The following EXTL3 variants were observed in gnomAD, a reference collection of about 807,000 sequenced individuals.
The protein encoded by EXTL3 is exostosin-like 3.
A neutral mutation model predicts 69.3 loss-of-function variants in EXTL3; 27 were observed. The ratio of observed to expected loss-of-function variants is 0.39; its 90% CI spans 0.29 to 0.54. The LOEUF (loss-of-function observed/expected upper bound fraction) is 0.54. EXTL3 is among the 20% of genes least tolerant of loss of function. EXTL3 has a pLI of 0.69. For missense variants in EXTL3, 1,003 were observed against 1,231.8 expected (o/e 0.81, Z 2.78); for synonymous variants, 511 against 499.4 (o/e 1.02, Z -0.31).
At chr8:28,684,130 G>A (rs1185370722) in intron 1 of EXTL3, among the ~76,000 whole-genome samples, 3 of 152,106 alleles carry the variant, frequency 2.0e-5, no homozygotes, top group African/African-American at 7.2e-5. Context: ...TGGTGGAATA[G>A]TCCTCCCTTG....
intron 3 of EXTL3, 114 bp from the exon 4 acceptor site, chr8:28,731,109 C>A: frequency 1.5e-6 from 2 of 1,347,070 alleles, no homozygotes; most frequent in Non-Finnish European, 2.1e-6. Context: ...GCGCGGAGAT[C>A]AGGCAAAATT....
In EXTL3 at chr8:28,750,261, G is replaced by T. The variant is rs979680054; in HGVS notation, c.2551-396G>T. On this transcript the variant is annotated intron_variant, in intron 6 of 6. Transcript: ENST00000220562. This position sits in a 1 kb window ranked among gnomAD's most constrained non-coding sequence, Gnocchi z 5.2. ...CCCCTCTTTGACTAGCCCCTCTTTG[G>T]GTAGTCTTCAATACCCAAAGCCCCT... 1.3e-5 allele frequency among the ~76,000 whole-genome samples: 2 copies of T among 151,920 alleles called. No homozygotes were observed. Among genetic ancestry groups the T allele is most frequent in the East Asian group, 3.9e-4 (2 of 5,186 alleles).
intron 6 of EXTL3, chr8:28,744,009 T>A (rs1383088827): frequency 1.3e-5 from 2 of 152,452 alleles, no homozygotes; most frequent in African/African-American, 4.8e-5. Context: ...ACACATACAC[T>A]CAGTGCACAG....
rs200367738 is a variant in EXTL3 at position 28,717,578 on chromosome 8, G to T, written c.1519G>T (p.Ala507Ser). The change falls in exon 3 of 7, where the codon GCT becomes TCT. Residue 507 changes from alanine to serine, a missense_variant. Ala to Ser is a moderately conservative substitution (Grantham distance 99). Coordinates refer to ENST00000220562, the MANE Select transcript of EXTL3 (RefSeq NM_001440.4). This position sits in a 1 kb window ranked among gnomAD's most constrained non-coding sequence, Gnocchi z 8.3. ...LRSLSDSDLL[A>S]MRRQGRFLWE... The stretch of plus-strand genomic sequence containing the variant: ...AAGCCTCTCCGATAGTGACCTCCTG[G>T]CTATGAGGCGGCAAGGCCGCTTTCT... The T allele has an allele frequency of 2.3e-4, 367 of 1,614,230 alleles. No homozygotes were observed. The highest frequency in any genetic ancestry group is 2.6e-4 in the Non-Finnish European group (311 of 1,180,040).
Position 28,737,587 on chromosome 8 carries a change from A to G in EXTL3, c.2345A>G (p.His782Arg), listed in dbSNP as rs1801679525. Residue 782 changes from histidine (H) to arginine (R), a missense_variant, in exon 5 of 7, where the codon CAT (histidine) becomes CGT (arginine). Physicochemically the swap from His to Arg is conservative, Grantham distance 29 (BLOSUM62 0). Coordinates refer to ENST00000220562, the MANE Select transcript of EXTL3 (RefSeq NM_001440.4). ...CGTTACCACGCATGGGACATCCCCC[A>G]TCAGTCCTGGCTCTACAACTCCAAC... is the stretch of plus-strand genomic sequence containing the variant. ...PGRYHAWDIP[H>R]QSWLYNSNYS... The G allele has an allele frequency of 1.9e-6, 3 of 1,614,090 alleles. No individual in the cohort carries two copies. The highest frequency in any genetic ancestry group is 2.5e-6 in the Non-Finnish European group (3 of 1,179,928).
In EXTL3 at chr8:28,751,608, C is replaced by T. The variant is rs1403412020; in HGVS notation, c.*742C>T. On this transcript the variant is annotated 3_prime_UTR_variant, in exon 7 of 7. Transcript: ENST00000220562. ...TGGTGGGCTGTTCAGCTTCCTGCTG[C>T]TGGGGCCAGCGATTTTTGAGGATTT... 6.6e-6 allele frequency: 1 copy of T among 152,304 alleles called. No individual in the cohort carries two copies. The highest frequency in any genetic ancestry group is 1.5e-5 in the Non-Finnish European group (1 of 68,116). 9.4% of individuals were successfully genotyped at this position (152,304 alleles called of 1,614,324 possible).
At chr8:28,679,127 T>G (rs1189741843) in intron 1 of EXTL3, among the ~76,000 whole-genome samples, 1 of 152,176 alleles carries the variant, frequency 6.6e-6, no homozygotes, top group Non-Finnish European at 1.5e-5. Flanking sequence ...CAAAGGGTCA[T>G]TTTCTATTCT....
chr8:28,665,313 GA>G (rs1807179097), intron 1 of EXTL3, among the ~76,000 whole-genome samples: 1 of 151,470 alleles, frequency 6.6e-6, no homozygotes, highest in Non-Finnish European at 1.5e-5. Flanking sequence ...GACCTCAGGT[GA>G]TCCACCCACC....
chr8:28,668,526 G>A (rs957286660), intron 1 of EXTL3, among the ~76,000 whole-genome samples: 4 of 151,734 alleles, frequency 2.6e-5, no homozygotes, highest in African/African-American at 9.7e-5. Flanking sequence ...TAGTAGAGAC[G>A]GGGTTTCCCC....
intron 1 of EXTL3, chr8:28,622,943 G>C (rs1806437393): frequency 6.6e-6 from 1 of 152,144 alleles, no homozygotes; most frequent in South Asian, 2.1e-4. Flanking sequence ...CTTTACCCGG[G>C]GGATCGATTT....
chr8:28,721,491 T>C (rs1801291755), intron 3 of EXTL3, among the ~76,000 whole-genome samples: 1 of 152,258 alleles, frequency 6.6e-6, no homozygotes, highest in African/African-American at 2.4e-5. Context: ...TGGCCTACTC[T>C]CAGGGTGAAA....
intron 2 of EXTL3, among the ~76,000 whole-genome samples, 199 bp downstream of exon 2, chr8:28,713,749 T>A (rs1801078445): frequency 6.6e-6 from 1 of 152,176 alleles, no homozygotes; most frequent in East Asian, 1.9e-4. Flanking sequence ...GTTTAGATTA[T>A]CCAAATACTT....
chr8:28,720,503 TA>T (rs1801272262), intron 3 of EXTL3, among the ~76,000 whole-genome samples: 1 of 152,216 alleles, frequency 6.6e-6, no homozygotes, highest in Non-Finnish European at 1.5e-5. Context: ...AGGATTGTCT[TA>T]GGGGTGCCCC....
intron 2 of EXTL3, among the ~76,000 whole-genome samples, chr8:28,613,632 AGG>A (rs1408640516): frequency 1.3e-5 from 2 of 152,196 alleles, no homozygotes; most frequent in Non-Finnish European, 2.9e-5. Flanking sequence ...CTGTTTTGGA[AGG>A]TTAATAATTA....
At chr8:28,625,176 CA>C (rs1806472512) in intron 1 of EXTL3, among the ~76,000 whole-genome samples, 1 of 152,308 alleles carries the variant, frequency 6.6e-6, no homozygotes, top group East Asian at 1.9e-4. Flanking sequence ...CTACTAAGTG[CA>C]AGACTGGACT....
chr8:28,613,254 G>C (rs1806292980), intron 2 of EXTL3, among the ~76,000 whole-genome samples: 1 of 152,074 alleles, frequency 6.6e-6, no homozygotes, highest in Admixed American at 6.6e-5. Context: ...CATGATCTTG[G>C]TTCACTGCAA....
chr8:28,704,013 T>G (rs1800867249), intron 1 of EXTL3, among the ~76,000 whole-genome samples: 1 of 152,206 alleles, frequency 6.6e-6, no homozygotes, highest in Non-Finnish European at 1.5e-5. Context: ...TGGGCTCACC[T>G]GTAAGCTTCA....
At chr8:28,643,426 C>CTTTTCTTTTT (rs1554547978) in intron 1 of EXTL3, among the ~76,000 whole-genome samples, 1 of 143,978 alleles carries the variant, frequency 6.9e-6, no homozygotes, top group Middle Eastern at 3.3e-3. Context: ...TTCTTTTTTT[C>CTTTTCTTTTT]TTTTTTGAGA....
rs543677762 is a variant in EXTL3, at chr8:28,657,407, T to A, written c.-53+34597T>A. Among the ~76,000 whole-genome samples the A allele has an allele frequency of 2.6e-5, 4 of 152,370 alleles. No homozygotes were observed. The South Asian group carries it at 6.2e-4, about 24-fold the overall frequency. On this transcript the variant is annotated intron_variant, in intron 1 of 6. Transcript: ENST00000523149. ...ACTGCCCTTTCTTACTCTGGCACCT[T>A]GGACAGCTCCACTCTGCCTGGCCCG...
Sources: gnomAD v4.1 joint callset for allele counts (sites outside exome capture counted in the v4.1 genomes callset) on GRCh38, gnomAD v4.1.1 for gene constraint, Gnocchi (gnomAD v3.1) non-coding constraint, MANE v1.5 for transcripts, NCBI Gene and HGNC (gene_info 2026-07-23, HGNC 2026-07-21) for gene names.